Variants in CTNNA2 observed in about 807,000 individuals in gnomAD.
CTNNA2 encodes the protein catenin alpha 2, also known as catenin alpha-2.
Under a neutral mutation model 101.0 loss-of-function variants are expected in CTNNA2, and 42 were observed. The ratio of observed to expected loss-of-function variants is 0.42; its 90% CI spans 0.32 to 0.54. The LOEUF (loss-of-function observed/expected upper bound fraction) is 0.54. Ranked by LOEUF, CTNNA2 falls within the 20% of genes least tolerant of loss-of-function variation. The pLI, the probability that CTNNA2 is intolerant of heterozygous loss-of-function variation, is 0.14. For missense variants in CTNNA2, 871 were observed against 1,223.1 expected (o/e 0.71, Z 4.29); for synonymous variants, 450 against 456.4 (o/e 0.99, Z 0.18).
chr2:79,723,224 A>T (rs1046837888), intron 2 of CTNNA2, among the ~76,000 whole-genome samples: 1 of 152,102 alleles, frequency 6.6e-6, no homozygotes, highest in Admixed American at 6.6e-5. Context: ...GAGAAAATGG[A>T]TGGCTTTAGA....
chr2:80,553,626 G>T (rs1447639058), intron 11 of CTNNA2, among the ~76,000 whole-genome samples: 2 of 152,120 alleles, frequency 1.3e-5, no homozygotes, highest in African/African-American at 4.8e-5. Flanking sequence ...TCTAAACTCT[G>T]CACTGAAACT....
intron 6 of CTNNA2, among the ~76,000 whole-genome samples, chr2:79,875,267 C>T (rs1031747502): frequency 3.9e-5 from 6 of 152,264 alleles, no homozygotes; most frequent in South Asian, 2.1e-4. Flanking sequence ...CCATTCCCCC[C>T]GGGTCAGAGG....
intron 1 of CTNNA2, among the ~76,000 whole-genome samples, chr2:79,533,245 A>G (rs1019386996): frequency 1.3e-5 from 2 of 152,122 alleles, no homozygotes; most frequent in African/African-American, 2.4e-5. Flanking sequence ...CATACCCGCT[A>G]CATAACCTGT....
chr2:79,723,129 C>A (rs1003859660), intron 2 of CTNNA2, among the ~76,000 whole-genome samples: 1 of 151,994 alleles, frequency 6.6e-6, no homozygotes, highest in Non-Finnish European at 1.5e-5. Context: ...GCCTAAGAAA[C>A]AAGCAGTTAG....
chr2:79,420,589 T>C (rs1454978027), intron 4 of CTNNA2, among the ~76,000 whole-genome samples: 1 of 152,176 alleles, frequency 6.6e-6, no homozygotes, highest in African/African-American at 2.4e-5. Flanking sequence ...ATGTCTTGAT[T>C]TGATCAATTA....
At chr2:80,119,710 T>A (rs1041818514) in intron 7 of CTNNA2, among the ~76,000 whole-genome samples, 2 of 152,162 alleles carry the variant, frequency 1.3e-5, no homozygotes, top group Admixed American at 6.6e-5. Flanking sequence ...TTCAGAAAAA[T>A]TTTTAAAATA....
At chr2:79,915,923 G>C (rs1686170993) in intron 7 of CTNNA2, among the ~76,000 whole-genome samples, 2 of 152,196 alleles carry the variant, frequency 1.3e-5, no homozygotes, top group African/African-American at 2.4e-5. Context: ...CGAAGGGACT[G>C]TCATCAGAAA....
intron 7 of CTNNA2, among the ~76,000 whole-genome samples, chr2:79,956,843 G>GTTTTTTTTTTTTTTTTTTTT (rs66471325): frequency 1.2e-4 from 12 of 98,908 alleles, no homozygotes; most frequent in African/African-American, 5.2e-4. Flanking sequence ...ATACGTGTGG[G>GTTTTTTTTTTTTTTTTTTTT]TTTTTTTTTT....
At chr2:80,174,394 C>T (rs1395591151) in intron 7 of CTNNA2, among the ~76,000 whole-genome samples, 1 of 152,184 alleles carries the variant, frequency 6.6e-6, no homozygotes, top group Admixed American at 6.5e-5. Flanking sequence ...GCCAGGCACT[C>T]ACCCTGACTC....
At chr2:79,810,712 G>T (rs1316360366) in intron 3 of CTNNA2, among the ~76,000 whole-genome samples, 1 of 150,956 alleles carries the variant, frequency 6.6e-6, no homozygotes, top group Non-Finnish European at 1.5e-5. Flanking sequence ...GGTGTGTGAT[G>T]TTCCCTTTCC....
chr2:79,361,743 C>T (rs1677634614), intron 3 of CTNNA2, among the ~76,000 whole-genome samples: 1 of 152,168 alleles, frequency 6.6e-6, no homozygotes. Context: ...AGTCCCAAAA[C>T]TGAAGAACTT....
At chr2:80,053,375 A>G (rs1697003898) in intron 7 of CTNNA2, among the ~76,000 whole-genome samples, 1 of 152,232 alleles carries the variant, frequency 6.6e-6, no homozygotes, top group South Asian at 2.1e-4. Flanking sequence ...TAGTTGAGCA[A>G]TCCTCAGTAG....
intron 1 of CTNNA2, among the ~76,000 whole-genome samples, chr2:79,605,676 G>A (rs1420802289): frequency 5.9e-5 from 9 of 152,076 alleles, no homozygotes; most frequent in African/African-American, 1.7e-4. Flanking sequence ...GGCTGTGGTC[G>A]GAGGATGGCT....
intron 3 of CTNNA2, among the ~76,000 whole-genome samples, chr2:79,317,130 T>C (rs10200167): frequency 0.069 from 10,432 of 152,014 alleles, 431 homozygotes; most frequent in African/African-American, 0.1. Context: ...GGGCATTGGG[T>C]TTGTAAAATG....
At chr2:79,412,806 A>G (rs900717594) in intron 4 of CTNNA2, among the ~76,000 whole-genome samples, 2 of 152,048 alleles carry the variant, frequency 1.3e-5, no homozygotes, top group Middle Eastern at 3.2e-3. Context: ...TGGATGGTGA[A>G]GGGATTAGAA....
At chr2:80,596,344 C>G in intron 15 of CTNNA2, among the ~76,000 whole-genome samples, 3 of 98,832 alleles carry the variant, frequency 3.0e-5, no homozygotes, top group South Asian at 3.7e-4. Context: ...GAGTCTCGCT[C>G]TGTTGCCAAG....
chr2:79,884,490 C>T (rs1402049669), intron 6 of CTNNA2, among the ~76,000 whole-genome samples: 3 of 152,112 alleles, frequency 2.0e-5, no homozygotes, highest in South Asian at 2.1e-4. Flanking sequence ...TTCTACTTTT[C>T]GAATACTTCA....
intron 3 of CTNNA2, among the ~76,000 whole-genome samples, chr2:79,780,115 C>T (rs1318366368): frequency 1.3e-5 from 2 of 152,180 alleles, no homozygotes; most frequent in African/African-American, 4.8e-5. Context: ...AATTGTCAAT[C>T]AGAAAATCTG....
intron 4 of CTNNA2, among the ~76,000 whole-genome samples, chr2:79,489,313 G>A (rs1223814051): frequency 1.3e-5 from 2 of 151,914 alleles, no homozygotes; most frequent in Admixed American, 1.3e-4. Context: ...TAATCCCAAG[G>A]GTCCAGAACC....
Sources: allele counts gnomAD v4.1 joint callset (sites outside exome capture counted in the v4.1 genomes callset), GRCh38; gene constraint gnomAD v4.1.1; transcripts MANE v1.5; gene names NCBI Gene and HGNC (gene_info 2026-07-23, HGNC 2026-07-21).